Variants in A2ML1 observed in about 807,000 individuals in gnomAD.
The protein encoded by A2ML1 is alpha-2-macroglobulin-like protein 1.
Under a neutral mutation model 181.9 loss-of-function variants are expected in A2ML1, and 161 were observed. That is an observed-to-expected ratio of 0.89 (90% CI 0.78 to 1.01). A2ML1 has a LOEUF of 1.01. Among genes scored for constraint, A2ML1 ranks in the 50% least tolerant of loss-of-function variants. The pLI is 0.00. For missense variants in A2ML1, 1,670 were observed against 1,768.1 expected, an observed-to-expected ratio of 0.94 and a Z score of 1.00; for synonymous variants, 663 against 666.8, an observed-to-expected ratio of 0.99 and a Z score of 0.09.
intron 4 of A2ML1, among the ~76,000 whole-genome samples, chr12:8,832,029 C>A (rs1315912071): frequency 6.6e-6 from 1 of 152,156 alleles, no homozygotes; most frequent in Non-Finnish European, 1.5e-5. Context: ...GGATTACAGG[C>A]GTGAGCCACC....
At position 8,852,898 on chromosome 12, in the gene A2ML1, G is replaced by A. The variant is rs1249138435; in HGVS notation, c.2590+562G>A. On this transcript the variant is annotated intron_variant, in intron 20 of 35. Coordinates refer to ENST00000299698, the MANE Select transcript of A2ML1 (RefSeq NM_144670.6). This position sits in a 1 kb window ranked among gnomAD's most constrained non-coding sequence, Gnocchi z 4.2. ...TTTAGTAGAGGTGGGGTTTTGCCATGTTGGCCAGGCTGGTCTCAAACTCCT... is the reference window on the plus strand; with the variant it reads ...TTTAGTAGAGGTGGGGTTTTGCCATATTGGCCAGGCTGGTCTCAAACTCCT... Among the ~76,000 whole-genome samples, 2 of 152,148 alleles carry A rather than the reference G, an allele frequency of 1.3e-5. No homozygotes were observed. The highest frequency in any genetic ancestry group is 2.1e-4 in the South Asian group (1 of 4,820).
intron 26 of A2ML1, 155 bp downstream of exon 26, chr12:8,858,257 C>A: frequency 1.1e-6 from 1 of 880,570 alleles, no homozygotes; most frequent in Non-Finnish European, 1.7e-6. Flanking sequence ...CTTAGCTGGT[C>A]TGGGCCTCAG....
At chr12:8,833,026 T>C (rs1385441286) in intron 4 of A2ML1, among the ~76,000 whole-genome samples, 1 of 149,480 alleles carries the variant, frequency 6.7e-6, no homozygotes, top group East Asian at 2.0e-4. Flanking sequence ...CAGGTTGGAG[T>C]GCAGTAGCGG....
intron 5 of A2ML1, chr12:8,834,981 C>G: frequency 2.2e-6 from 1 of 449,218 alleles, no homozygotes; most frequent in South Asian, 3.3e-5. Flanking sequence ...GTTCCATACT[C>G]CCCTTAGTGT....
intron 18 of A2ML1, among the ~76,000 whole-genome samples, chr12:8,850,985 C>T (rs930092695): frequency 3.3e-5 from 5 of 152,160 alleles, no homozygotes; most frequent in African/African-American, 7.2e-5. Flanking sequence ...GTGATCCACC[C>T]GCCTTGGCCT....
chr12:8,850,343 GGGAGGCTTA>G, intron 18 of A2ML1, 69 bp downstream of exon 18: 1 of 1,235,292 alleles, frequency 8.1e-7, no homozygotes, highest in Non-Finnish European at 1.1e-6. Flanking sequence ...CCAACACTTT[GGGAGGCTTA>G]GGAGGGAGGA....
chr12:8,842,860 A>T (rs1943537343), intron 11 of A2ML1, among the ~76,000 whole-genome samples: 1 of 152,214 alleles, frequency 6.6e-6, no homozygotes, highest in Admixed American at 6.5e-5. Context: ...TCCCAGGAAT[A>T]TCTGTGAAGA....
At position 8,882,331 on chromosome 12, in the gene A2ML1, C is replaced by T. The variant is rs116226000; in HGVS notation, c.*94+1715C>T. ...AGGCTTTCCCTTCTCCTACCTCCCC[C>T]TTGAATCCCCGCCTTCATCAAGGAT... On this transcript the variant is annotated intron_variant and NMD_transcript_variant, in intron 7 of 7. Coordinates refer to the A2ML1 transcript ENST00000537475. 1.2e-3 allele frequency among the ~76,000 whole-genome samples: 189 copies of T among 152,220 alleles called. 1 individual carries two copies. Among genetic ancestry groups the T allele is most frequent in the African/African-American group, 4.3e-3 (179 of 41,554 alleles).
In A2ML1 at chr12:8,850,293, G is replaced by A. The variant is rs1197356857; in HGVS notation, c.2234+19G>A. The A allele has an allele frequency of 1.3e-6, 2 of 1,585,454 alleles. No individual in the cohort carries two copies. Among genetic ancestry groups the A allele is most frequent in the Non-Finnish European group, 1.7e-6 (2 of 1,163,650 alleles). ...CTATTGGGTAAGTGATGACTCAAAA[G>A]TACAGTAAAGGGCCAGGTGCATGGC... On this transcript the variant is annotated intron_variant, in intron 18 of 35. Transcript: ENST00000299698.
rs751846548 is a variant in A2ML1 at position 8,842,381 on chromosome 12, G to C, written c.1249-753G>C. 3.6e-5 allele frequency among the ~76,000 whole-genome samples: 5 copies of C among 140,234 alleles called. No individual in the cohort carries two copies. In the South Asian group the frequency reaches 7.2e-4, roughly 20 times the overall value. The allele number at this position is 140,234 out of a possible 152,430, so 92.0% of individuals were successfully genotyped here. On this transcript the variant is annotated intron_variant, in intron 11 of 35. Transcript: ENST00000299698. ...CTACAGGCGCCTGCCACCACGCCCG[G>C]CTAATTTTTTGTATTTTTTAGTAGA...
In A2ML1 at chr12:8,823,761, C is replaced by G. The variant is rs929958326; in HGVS notation, c.288C>G (p.Ile96Met). ...GTGGCACAGAAGAAGTGGCCACAAT[C>G]CGGGTGTCGGGAGTTGGAAATAACA... ...PAGGTEEVAT[I>M]RVSGVGNNIS... Residue 96 changes from isoleucine to methionine, a missense_variant, in exon 3 of 36, where the codon ATC becomes ATG. By Grantham distance (10) the Ile-to-Met change is conservative. Coordinates refer to ENST00000299698, the MANE Select transcript of A2ML1 (RefSeq NM_144670.6). The G allele has an allele frequency of 6.2e-7, 1 of 1,614,050 alleles. No homozygotes were observed. Among genetic ancestry groups the G allele is most frequent in the Non-Finnish European group, 8.5e-7 (1 of 1,180,018 alleles).
At position 8,823,887 on chromosome 12, in the gene A2ML1, G is replaced by A. The variant is rs1429109147; in HGVS notation, c.409+5G>A. The A allele has an allele frequency of 6.2e-7, 1 of 1,608,200 alleles. No homozygotes were observed. The highest frequency in any genetic ancestry group is 1.7e-5 in the Admixed American group (1 of 59,322). On this transcript the variant is annotated splice_donor_5th_base_variant and intron_variant, in intron 3 of 35. Coordinates refer to ENST00000299698, the MANE Select transcript of A2ML1 (RefSeq NM_144670.6). The stretch of plus-strand genomic sequence containing the variant: ...TCTACACCCCAGGGCAGCAAGGTAA[G>A]AGTCACATATTTGGGGTTCGACTAA...
At chr12:8,849,015 T>C (rs1028682552) in intron 16 of A2ML1, 101 bp downstream of exon 16, 17 of 1,290,248 alleles carry the variant, frequency 1.3e-5, no homozygotes, top group Non-Finnish European at 1.5e-5. Context: ...ATATGGGCAC[T>C]GATGGGAACA....
rs1592141172 is a variant in A2ML1 at position 8,855,737 on chromosome 12, G to C, written c.2848+145G>C. On this transcript the variant is annotated intron_variant, in intron 23 of 35. Coordinates refer to ENST00000299698, the MANE Select transcript of A2ML1 (RefSeq NM_144670.6). ...GAAAAAGAGCGTATTTTATATAGGA[G>C]GGAAATACAGTGTAGGCAACAGTAC... The C allele has an allele frequency of 2.1e-5, 15 of 704,316 alleles. No homozygotes were observed. The East Asian group carries it at 4.0e-4, about 19-fold the overall frequency. 43.6% of individuals were successfully genotyped at this position (704,316 alleles called of 1,614,324 possible).
At chr12:8,875,129 C>A in intron 35 of A2ML1, 117 bp downstream of exon 35, 1 of 1,122,020 alleles carries the variant, frequency 8.9e-7, no homozygotes, top group Non-Finnish European at 1.3e-6. Flanking sequence ...CGGTGTTGCC[C>A]AGGCTGGAGG....
intron 26 of A2ML1, among the ~76,000 whole-genome samples, chr12:8,859,413 C>T (rs1399474893): frequency 6.6e-6 from 1 of 151,968 alleles, no homozygotes; most frequent in East Asian, 1.9e-4. Context: ...GGGGGCCAGG[C>T]GCAGTGGCTC....
chr12:8,849,172 G>C (rs764744883), intron 16 of A2ML1, among the ~76,000 whole-genome samples: 1 of 152,242 alleles, frequency 6.6e-6, no homozygotes, highest in Admixed American at 6.5e-5. Context: ...AGAGAAGGTA[G>C]ACCAGAGGTC....
intron 23 of A2ML1, among the ~76,000 whole-genome samples, 167 bp from the exon 24 acceptor site, chr12:8,856,997 C>T (rs1376634880): frequency 2.6e-5 from 4 of 151,540 alleles, no homozygotes; most frequent in African/African-American, 7.3e-5. Context: ...CCACCCTCCT[C>T]GGCCTCCCAT....
chr12:8,852,975 C>T lies in A2ML1; in HGVS notation c.2590+639C>T, dbSNP rs1410578665. Reference sequence around the variant, plus strand: ...CCTCCCAAAGTGCTGGGATTACAGGCGTGAGCCGCTGCGCCTGGCCTTTTA... The same window carrying T: ...CCTCCCAAAGTGCTGGGATTACAGGTGTGAGCCGCTGCGCCTGGCCTTTTA... On this transcript the variant is annotated intron_variant, in intron 20 of 35. Transcript: ENST00000299698. This position sits in a 1 kb window ranked among gnomAD's most constrained non-coding sequence, Gnocchi z 4.2. 4.6e-5 allele frequency among the ~76,000 whole-genome samples: 7 copies of T among 152,146 alleles called. No homozygotes were observed. The highest frequency in any genetic ancestry group is 9.7e-5 in the African/African-American group (4 of 41,446).
Sources: allele counts gnomAD v4.1 joint callset (sites outside exome capture counted in the v4.1 genomes callset), GRCh38; gene constraint gnomAD v4.1.1; non-coding constraint Gnocchi (gnomAD v3.1); transcripts MANE v1.5; gene names NCBI Gene and HGNC (gene_info 2026-07-23, HGNC 2026-07-21).